Variants in LRRC8D observed in about 807,000 individuals in gnomAD.
The protein encoded by LRRC8D is leucine rich repeat containing 8 VRAC subunit D.
In LRRC8D, 20 loss-of-function variants were observed where a neutral mutation model predicts 55.8. The ratio of observed to expected loss-of-function variants is 0.36; its 90% CI spans 0.25 to 0.52. The LOEUF is 0.52. Ranked by LOEUF, LRRC8D falls within the 20% of genes least tolerant of loss-of-function variation. LRRC8D has a pLI of 0.93. For synonymous variants in LRRC8D, 352 were observed against 377.0 expected (o/e 0.93, Z 0.77); for missense variants, 651 against 1,030.8 (o/e 0.63, Z 5.05).
chr1:89,894,853 CTGA>C (rs1662666761), intron 2 of LRRC8D, among the ~76,000 whole-genome samples: 1 of 152,296 alleles, frequency 6.6e-6, no homozygotes, highest in South Asian at 2.1e-4. Flanking sequence ...ACAATATTGG[CTGA>C]TGTGATACGG....
chr1:89,896,294 G>T (rs1367364399), intron 2 of LRRC8D, among the ~76,000 whole-genome samples: 1 of 152,108 alleles, frequency 6.6e-6, no homozygotes, highest in Non-Finnish European at 1.5e-5. Flanking sequence ...GAAGGGAGGG[G>T]TCGTAAACTT....
intron 2 of LRRC8D, among the ~76,000 whole-genome samples, chr1:89,858,981 A>C (rs1053399924): frequency 2.0e-5 from 3 of 152,226 alleles, no homozygotes; most frequent in African/African-American, 7.2e-5. Flanking sequence ...CAATACACTG[A>C]TTATTACAGC....
chr1:89,909,765 C>T (rs1438293643), intron 2 of LRRC8D, among the ~76,000 whole-genome samples: 3 of 150,882 alleles, frequency 2.0e-5, no homozygotes, highest in Non-Finnish European at 4.4e-5. Flanking sequence ...ACTTAGGAGG[C>T]TGAGGCAAGA....
At chr1:89,854,939 A>T (rs1661514413) in intron 2 of LRRC8D, among the ~76,000 whole-genome samples, 1 of 152,094 alleles carries the variant, frequency 6.6e-6, no homozygotes, top group African/African-American at 2.4e-5. Context: ...GACAGTTTGG[A>T]TTTACCCTTT....
At chr1:89,836,230 A>T (rs1031062979) in intron 1 of LRRC8D, among the ~76,000 whole-genome samples, 1 of 152,172 alleles carries the variant, frequency 6.6e-6, no homozygotes, top group Non-Finnish European at 1.5e-5. Flanking sequence ...GTTCTAAATC[A>T]ACTGCTAACA....
chr1:89,872,129 A>G lies in LRRC8D; in HGVS notation c.-3+28347A>G, dbSNP rs544776124. On this transcript the variant is annotated intron_variant, in intron 2 of 2. Coordinates refer to ENST00000337338, the MANE Select transcript of LRRC8D (RefSeq NM_001134479.2). Reference sequence around the variant, plus strand: ...TGTATTCCGTCTGCAACGTAAATGCAAGTTCTTTTGGGACAAGTGCCATAG... The same window carrying G: ...TGTATTCCGTCTGCAACGTAAATGCGAGTTCTTTTGGGACAAGTGCCATAG... 2.0e-5 allele frequency among the ~76,000 whole-genome samples: 3 copies of G among 152,326 alleles called. No homozygotes were observed. The East Asian group carries it at 5.8e-4, about 29-fold the overall frequency.
intron 2 of LRRC8D, among the ~76,000 whole-genome samples, chr1:89,878,549 G>A (rs1255268717): frequency 6.6e-6 from 1 of 152,148 alleles, no homozygotes; most frequent in African/African-American, 2.4e-5. Flanking sequence ...AGTTTCCATG[G>A]ACTCATTGTA....
intron 2 of LRRC8D, among the ~76,000 whole-genome samples, chr1:89,917,547 C>A (rs558282597): frequency 2.0e-4 from 31 of 152,082 alleles, no homozygotes; most frequent in African/African-American, 7.5e-4. Context: ...ATTCTTTGTT[C>A]CCCTCTCTCC....
At chr1:89,928,178 T>C (rs1663615693) in intron 2 of LRRC8D, among the ~76,000 whole-genome samples, 1 of 152,152 alleles carries the variant, frequency 6.6e-6, no homozygotes, top group African/African-American at 2.4e-5. Context: ...CGAGCAATTC[T>C]TCCTGCCTCA....
At chr1:89,844,440 G>A (rs1661222490) in intron 2 of LRRC8D, among the ~76,000 whole-genome samples, 1 of 152,178 alleles carries the variant, frequency 6.6e-6, no homozygotes. Context: ...GCACAGCAGC[G>A]AGTTCTGAGA....
intron 2 of LRRC8D, among the ~76,000 whole-genome samples, chr1:89,857,305 C>CTG (rs1349596994): frequency 3.4e-5 from 5 of 148,926 alleles, no homozygotes; most frequent in African/African-American, 1.2e-4. Flanking sequence ...TTGCTTGAAC[C>CTG]TGGGAGATGG....
chr1:89,924,687 A>AT (rs961608869), intron 2 of LRRC8D, among the ~76,000 whole-genome samples: 34 of 150,696 alleles, frequency 2.3e-4, no homozygotes, highest in South Asian at 2.1e-3. Flanking sequence ...AGTGGACTGG[A>AT]TTTTTTTTTT....
At chr1:89,870,800 T>C (rs1403678517) in intron 2 of LRRC8D, among the ~76,000 whole-genome samples, 1 of 152,206 alleles carries the variant, frequency 6.6e-6, no homozygotes, top group Non-Finnish European at 1.5e-5. Flanking sequence ...TAGGAGGCAG[T>C]GACCAGGGGT....
At chr1:89,866,807 A>G (rs1326907786) in intron 2 of LRRC8D, among the ~76,000 whole-genome samples, 2 of 152,144 alleles carry the variant, frequency 1.3e-5, no homozygotes, top group African/African-American at 4.8e-5. Context: ...ACACCTGTTG[A>G]GGAGGGAATA....
chr1:89,843,801 G>GGA lies in LRRC8D; in HGVS notation c.-3+20_-3+21insAG. The GGA allele has an allele frequency of 3.1e-6, 2 of 653,912 alleles. No homozygotes were observed. The highest frequency in any genetic ancestry group is 5.6e-6 in the Non-Finnish European group (2 of 357,286). The allele number at this position is 653,912 out of a possible 1,614,324, so 40.5% of individuals were successfully genotyped here. ...GGTCCAGGTGCGCGGGGTCGGGTCT[G>GGA]GGTCCAGGGAGCGGGTCGGGAAGTC... is the stretch of plus-strand genomic sequence containing the variant. On this transcript the variant is annotated intron_variant, in intron 2 of 2. Transcript: ENST00000337338.
intron 1 of LRRC8D, chr1:89,843,374 G>A (rs1220825099): frequency 3.5e-6 from 1 of 288,864 alleles, no homozygotes; most frequent in Non-Finnish European, 6.4e-6. Context: ...GCAAACGGAA[G>A]GGCTGTGAGC....
rs1350511788 is a variant in LRRC8D, at chr1:89,843,726, G to A, written c.-59G>A. The A allele has an allele frequency of 2.9e-6, 2 of 701,652 alleles. No homozygotes were observed. The highest frequency in any genetic ancestry group is 2.7e-5 in the East Asian group (1 of 37,230). 43.5% of individuals were successfully genotyped at this position (701,652 alleles called of 1,614,324 possible). On this transcript the variant is annotated 5_prime_UTR_variant, in exon 2 of 3. Transcript: ENST00000337338. ...GCCGTGGTTCCAGCCTCCGGAGCTC[G>A]CCCAAGCCGCGTCCCCAGAGAGCGC...
At chr1:89,821,417 C>T (rs900355833) in intron 1 of LRRC8D, 126 bp downstream of exon 1, 4 of 152,206 alleles carry the variant, frequency 2.6e-5, no homozygotes, top group Non-Finnish European at 4.4e-5. Context: ...CGGTTGCGGC[C>T]GGGAACTCAT....
At chr1:89,877,780 T>C (rs926787752) in intron 2 of LRRC8D, among the ~76,000 whole-genome samples, 6 of 152,234 alleles carry the variant, frequency 3.9e-5, no homozygotes, top group Non-Finnish European at 7.3e-5. Flanking sequence ...CTTTTATAGA[T>C]AACTGAAACT....
Sources: gnomAD v4.1 joint callset for allele counts (sites outside exome capture counted in the v4.1 genomes callset) on GRCh38, gnomAD v4.1.1 for gene constraint, MANE v1.5 for transcripts, NCBI Gene and HGNC (gene_info 2026-07-23, HGNC 2026-07-21) for gene names.